The following DPP6 variants were observed in gnomAD, a reference collection of about 807,000 sequenced individuals.
DPP6 encodes the protein A-type potassium channel modulatory protein DPP6.
In DPP6, 69 loss-of-function variants were observed where a neutral mutation model predicts 122.6. The observed-to-expected ratio is 0.56, with a 90% CI of 0.46 to 0.69. The LOEUF (loss-of-function observed/expected upper bound fraction) is 0.69. Among genes scored for constraint, DPP6 ranks in the 30% least tolerant of loss-of-function variants. DPP6 has a pLI of 0.00. For missense variants in DPP6, 928 were observed against 1,116.9 expected (o/e 0.83, Z 2.41); for synonymous variants, 418 against 433.1 (o/e 0.97, Z 0.43).
chr7:154,081,195 G>C (rs144685874), intron 1 of DPP6, among the ~76,000 whole-genome samples: 3,561 of 151,712 alleles, frequency 0.023, 128 homozygotes, highest in African/African-American at 0.08. Flanking sequence ...CAGAGAGCAG[G>C]ATGGAGTAGC....
chr7:153,874,766 C>A, the DPP6 span, among the ~76,000 whole-genome samples: 2 of 152,142 alleles, frequency 1.3e-5, no homozygotes, highest in East Asian at 3.9e-4. Context: ...AAATTAAGAA[C>A]TCAATGAATG....
At chr7:154,788,225 G>T (rs2150415532) in intron 10 of DPP6, among the ~76,000 whole-genome samples, 1 of 152,206 alleles carries the variant, frequency 6.6e-6, no homozygotes, top group African/African-American at 2.4e-5. Flanking sequence ...TGGCGGATCA[G>T]TTGAAGTCAG....
At chr7:154,820,203 C>T (rs952740892) in intron 16 of DPP6, among the ~76,000 whole-genome samples, 1 of 152,188 alleles carries the variant, frequency 6.6e-6, no homozygotes, top group Non-Finnish European at 1.5e-5. Flanking sequence ...CTGCAGCACA[C>T]GGGACACGCG....
At chr7:153,896,608 C>T (rs1444333626) in intron 1 of DPP6, among the ~76,000 whole-genome samples, 3 of 152,062 alleles carry the variant, frequency 2.0e-5, no homozygotes, top group Non-Finnish European at 4.4e-5. Flanking sequence ...AATTTGATAC[C>T]AGCCTGTGCA....
intron 6 of DPP6, among the ~76,000 whole-genome samples, chr7:154,655,026 C>A (rs1038147392): frequency 6.6e-6 from 1 of 152,188 alleles, no homozygotes; most frequent in Non-Finnish European, 1.5e-5. Context: ...ATTTATTGAG[C>A]ATCTACCATG....
chr7:154,517,069 C>T (rs577912735), intron 3 of DPP6, among the ~76,000 whole-genome samples: 19 of 152,282 alleles, frequency 1.2e-4, no homozygotes, highest in African/African-American at 4.3e-4. Flanking sequence ...AGCAGAATGA[C>T]ACATGGGGAA....
chr7:154,653,648 G>C (rs933308792), intron 6 of DPP6, among the ~76,000 whole-genome samples: 2 of 152,198 alleles, frequency 1.3e-5, no homozygotes, highest in African/African-American at 4.8e-5. Context: ...TTGATAGATA[G>C]AAAACAAACC....
At chr7:153,766,128 C>T in the DPP6 span, among the ~76,000 whole-genome samples, 10 of 152,180 alleles carry the variant, frequency 6.6e-5, no homozygotes, top group East Asian at 3.9e-4. Context: ...ACAAATCAGT[C>T]GAAGCCTTTC....
At chr7:154,009,108 T>C (rs1671033912) in intron 1 of DPP6, among the ~76,000 whole-genome samples, 1 of 86,572 alleles carries the variant, frequency 1.2e-5, no homozygotes, top group Non-Finnish European at 2.3e-5. Flanking sequence ...GATGAGGACC[T>C]TTTTTTTTGG....
chr7:153,870,811 C>T, the DPP6 span, among the ~76,000 whole-genome samples: 25 of 152,100 alleles, frequency 1.6e-4, no homozygotes, highest in African/African-American at 4.8e-4. Flanking sequence ...ATGATGGTGA[C>T]GTACAGATGG....
At chr7:154,103,995 G>A (rs1805952021) in intron 1 of DPP6, among the ~76,000 whole-genome samples, 1 of 152,166 alleles carries the variant, frequency 6.6e-6, no homozygotes, top group South Asian at 2.1e-4. Context: ...CCTATGGTGG[G>A]ACTTCACGTC....
At chr7:154,247,830 C>G (rs1375915134) in intron 1 of DPP6, among the ~76,000 whole-genome samples, 1 of 152,116 alleles carries the variant, frequency 6.6e-6, no homozygotes, top group African/African-American at 2.4e-5. Flanking sequence ...ACTCATAATA[C>G]CTTCAAACTA....
At chr7:154,866,944 C>G (rs748390351) in intron 17 of DPP6, among the ~76,000 whole-genome samples, 13 of 151,678 alleles carry the variant, frequency 8.6e-5, no homozygotes, top group Non-Finnish European at 1.6e-4. Context: ...GGTCATTTGA[C>G]CTCCAGCTGC....
chr7:153,868,595 A>C, the DPP6 span, among the ~76,000 whole-genome samples: 2 of 152,102 alleles, frequency 1.3e-5, no homozygotes. Flanking sequence ...ATCTTTTAAA[A>C]AAACCAGCTC....
intron 1 of DPP6, among the ~76,000 whole-genome samples, chr7:154,264,300 G>A (rs2150920931): frequency 6.6e-6 from 1 of 152,234 alleles, no homozygotes; most frequent in East Asian, 1.9e-4. Flanking sequence ...AAGCTTTCAA[G>A]CTATGAAATA....
At chr7:154,532,188 A>G (rs1214322635) in intron 3 of DPP6, among the ~76,000 whole-genome samples, 1 of 152,146 alleles carries the variant, frequency 6.6e-6, no homozygotes, top group Non-Finnish European at 1.5e-5. Context: ...ATCTATAACA[A>G]TAAGATGGTC....
chr7:154,394,556 T>C (rs1814915103), intron 1 of DPP6, among the ~76,000 whole-genome samples: 2 of 152,292 alleles, frequency 1.3e-5, no homozygotes, highest in Non-Finnish European at 1.5e-5. Context: ...ATTCTATTAA[T>C]ATTGTCTTTT....
intron 1 of DPP6, among the ~76,000 whole-genome samples, chr7:153,946,032 G>C (rs771283368): frequency 7.9e-5 from 12 of 152,136 alleles, no homozygotes; most frequent in Non-Finnish European, 1.2e-4. Flanking sequence ...CATTGAAGCT[G>C]CAGCCTCGTC....
rs975973764 is a variant in DPP6, at chr7:154,355,710, G to A, written c.244-90504G>A. On this transcript the variant is annotated intron_variant, in intron 1 of 25. Transcript: ENST00000377770. The stretch of plus-strand genomic sequence containing the variant: ...TTTGGACTTTCTATCTGTTCCCCTG[G>A]TTTGTTTACCCCTGGAGAGAAATCA... Among the ~76,000 whole-genome samples the A allele has an allele frequency of 2.0e-5, 3 of 152,258 alleles. No individual in the cohort carries two copies. The East Asian group carries it at 5.8e-4, about 29-fold the overall frequency.
Sources: allele counts gnomAD v4.1 joint callset (sites outside exome capture counted in the v4.1 genomes callset), GRCh38; gene constraint gnomAD v4.1.1; transcripts MANE v1.5; gene names NCBI Gene and HGNC (gene_info 2026-07-23, HGNC 2026-07-21).